GUCY2C: variants seen among roughly 807,000 people sequenced by gnomAD.
The protein encoded by GUCY2C is guanylate cyclase 2C.
A neutral mutation model predicts 131.1 loss-of-function variants in GUCY2C; 118 were observed. The ratio of observed to expected loss-of-function variants is 0.90; its 90% CI spans 0.78 to 1.05. The LOEUF (loss-of-function observed/expected upper bound fraction) is 1.05, where lower values mean the gene tolerates loss of function less well. Ranked by LOEUF, GUCY2C falls within the 50% of genes least tolerant of loss-of-function variation. The probability of loss-of-function intolerance (pLI) is 0.00; values close to 1 mark genes in which losing one functional copy is unlikely to be tolerated. For synonymous variants in GUCY2C, 452 were observed against 457.8 expected (o/e 0.99, Z 0.16); for missense variants, 1,161 against 1,304.4 (o/e 0.89, Z 1.69).
intron 24 of GUCY2C, 110 bp downstream of exon 24, chr12:14,619,101 C>G: frequency 1.6e-6 from 1 of 631,332 alleles, no homozygotes; most frequent in Non-Finnish European, 2.9e-6. Flanking sequence ...AAGAATTATT[C>G]TACATCTCAC....
At position 14,696,476 on chromosome 12, in the gene GUCY2C, C is replaced by A. The variant is rs1486546318; in HGVS notation, c.-28G>T. The A allele has an allele frequency of 6.4e-7, 1 of 1,557,172 alleles. No homozygotes were observed. The highest frequency in any genetic ancestry group is 1.4e-5 in the African/African-American group (1 of 73,790). ...CCCCAATCACGTTAGAACCATACTCCTTGTGCCCACTTGCTTTGCTCTGTT... is the reference window on the plus strand; with the variant it reads ...CCCCAATCACGTTAGAACCATACTCATTGTGCCCACTTGCTTTGCTCTGTT... On this transcript the variant is annotated 5_prime_UTR_variant, in exon 1 of 27. It adds an upstream start codon to the 5' untranslated region. Transcript: ENST00000261170.
chr12:14,684,503 CTCTTT>C (rs1434426240), intron 3 of GUCY2C, among the ~76,000 whole-genome samples: 1 of 152,016 alleles, frequency 6.6e-6, no homozygotes, highest in African/African-American at 2.4e-5. Flanking sequence ...TCTATAGCTT[CTCTTT>C]TCTTTTCTCT....
chr12:14,628,815 G>A lies in GUCY2C; in HGVS notation c.2158-78C>T, dbSNP rs1023237565. On this transcript the variant is annotated intron_variant, in intron 19 of 26. Transcript: ENST00000261170. ...AGAGAGAATTCTTATTCTCATTGAT[G>A]GGAGTGATTAAGGCAAGGAATAGTT... 3 of 795,124 alleles carry A rather than the reference G, an allele frequency of 3.8e-6. No individual in the cohort carries two copies. The African/African-American group carries it at 5.1e-5, about 14-fold the overall frequency. 49.3% of individuals were successfully genotyped at this position (795,124 alleles called of 1,614,324 possible). A position where few individuals can be genotyped will look rare whatever the true frequency, so the allele number is the denominator to read the frequency against.
In GUCY2C at chr12:14,616,515, C is replaced by T. The variant is rs186342151; in HGVS notation, c.2970+118G>A. Reference sequence around the variant, plus strand: ...TCTCTTGCAGAGGATGGAGGGTGCTCATCGTGATGAGTACAGAAGAGGATT... The same window carrying T: ...TCTCTTGCAGAGGATGGAGGGTGCTTATCGTGATGAGTACAGAAGAGGATT... On this transcript the variant is annotated intron_variant, in intron 25 of 26. Coordinates refer to ENST00000261170, the MANE Select transcript of GUCY2C (RefSeq NM_004963.4). The T allele has an allele frequency of 3.3e-4, 232 of 706,374 alleles. 1 individual carries two copies. In the East Asian group the frequency reaches 4.5e-3, roughly 14 times the overall value. The allele number at this position is 706,374 out of a possible 1,614,324, so 43.8% of individuals were successfully genotyped here. A position where few individuals can be genotyped will look rare whatever the true frequency, so the allele number is the denominator to read the frequency against.
chr12:14,664,454 C>T (rs1947929085), intron 10 of GUCY2C, among the ~76,000 whole-genome samples: 1 of 151,940 alleles, frequency 6.6e-6, no homozygotes, highest in South Asian at 2.1e-4. Flanking sequence ...CTGCCTCCTA[C>T]AGTATGAACA....
intron 21 of GUCY2C, among the ~76,000 whole-genome samples, chr12:14,623,669 T>G (rs998364630): frequency 6.6e-6 from 1 of 152,186 alleles, no homozygotes; most frequent in Non-Finnish European, 1.5e-5. Context: ...ATCCCCAATG[T>G]TAAGGGAGGG....
intron 10 of GUCY2C, among the ~76,000 whole-genome samples, chr12:14,667,999 CTTTTTTTTT>C (rs11355096): frequency 1.3e-5 from 1 of 76,512 alleles, no homozygotes; most frequent in Non-Finnish European, 2.5e-5. Flanking sequence ...TAATAATTTT[CTTTTTTTTT>C]TTTTTTTTTT....
intron 19 of GUCY2C, 70 bp downstream of exon 19, chr12:14,639,792 G>A (rs183366383): frequency 2.0e-6 from 2 of 1,019,008 alleles, no homozygotes; most frequent in South Asian, 1.3e-5. Context: ...AATTTTTGTT[G>A]TTTTAATCCA....
chr12:14,647,699 T>A (rs745688185), intron 15 of GUCY2C, among the ~76,000 whole-genome samples: 1 of 152,160 alleles, frequency 6.6e-6, no homozygotes, highest in Non-Finnish European at 1.5e-5. Context: ...AAACTTTCAG[T>A]GTTCTTAACT....
rs1208168007 is a variant in GUCY2C, at chr12:14,665,270, G to C, written c.1283-4208C>G. Among the ~76,000 whole-genome samples the C allele has an allele frequency of 2.0e-5, 3 of 150,450 alleles. No individual in the cohort carries two copies. In the East Asian group the frequency reaches 5.9e-4, roughly 29 times the overall value. ...AAAGTTGAGATTCCGGTTAAATCTT[G>C]AGGATGAGTAGATGTTTCCCACCTC... On this transcript the variant is annotated intron_variant, in intron 10 of 26. Coordinates refer to ENST00000261170, the MANE Select transcript of GUCY2C (RefSeq NM_004963.4).
At chr12:14,695,561 A>G (rs1264178497) in intron 1 of GUCY2C, among the ~76,000 whole-genome samples, 1 of 144,480 alleles carries the variant, frequency 6.9e-6, no homozygotes, top group Non-Finnish European at 1.5e-5. Context: ...AGATCGTGCC[A>G]CTGCACTCCA....
intron 11 of GUCY2C, among the ~76,000 whole-genome samples, chr12:14,657,807 TC>T (rs879311524): frequency 6.6e-6 from 1 of 151,956 alleles, no homozygotes; most frequent in Non-Finnish European, 1.5e-5. Context: ...TGTCAAAAGG[TC>T]GGGGACTGCT....
intron 13 of GUCY2C, 98 bp from the exon 14 acceptor site, chr12:14,652,128 T>G (rs1765884643): frequency 1.9e-6 from 1 of 512,832 alleles, no homozygotes; most frequent in Admixed American, 3.0e-5. Flanking sequence ...GACTATAAAC[T>G]TTTGAGAGCA....
At chr12:14,657,725 C>A (rs112124281) in intron 11 of GUCY2C, among the ~76,000 whole-genome samples, 2,827 of 152,270 alleles carry the variant, frequency 0.019, 41 homozygotes, top group African/African-American at 0.043. Context: ...GCCTGATGAT[C>A]TGAGGTGGAA....
chr12:14,645,421 C>A (rs1947500616), intron 15 of GUCY2C, 106 bp from the exon 16 acceptor site: 3 of 604,546 alleles, frequency 5.0e-6, no homozygotes. Flanking sequence ...ACCTTAGGAT[C>A]AGGAACAAAT....
chr12:14,656,443 A>G, intron 12 of GUCY2C, 69 bp downstream of exon 12: 1 of 768,288 alleles, frequency 1.3e-6, no homozygotes, highest in Non-Finnish European at 2.3e-6. Flanking sequence ...ATATCCTGCA[A>G]TGCTACTTAA....
intron 10 of GUCY2C, among the ~76,000 whole-genome samples, chr12:14,664,312 G>A (rs1301069627): frequency 1.3e-5 from 2 of 151,960 alleles, no homozygotes; most frequent in Admixed American, 6.6e-5. Flanking sequence ...CCCAGAAAAC[G>A]AAAGTGAGTA....
intron 10 of GUCY2C, 99 bp from the exon 11 acceptor site, chr12:14,661,161 A>C (rs1947859678): frequency 4.1e-6 from 3 of 737,972 alleles, no homozygotes; most frequent in African/African-American, 1.8e-5. Flanking sequence ...GGAAAAGAGA[A>C]CCCTTTAAAA....
At chr12:14,614,588 C>T (rs1414871435) in intron 26 of GUCY2C, 4 of 375,952 alleles carry the variant, frequency 1.1e-5, no homozygotes, top group African/African-American at 8.6e-5. Context: ...TATACTGAGC[C>T]CCCACATCTG....
Sources: gnomAD v4.1 joint callset for allele counts (sites outside exome capture counted in the v4.1 genomes callset) on GRCh38, gnomAD v4.1.1 for gene constraint, MANE v1.5 for transcripts, NCBI Gene and HGNC (gene_info 2026-07-23, HGNC 2026-07-21) for gene names.